The following PCDH15 variants were observed in gnomAD, a reference collection of about 807,000 sequenced individuals.
The protein encoded by PCDH15 is protocadherin related 15.
Under a neutral mutation model 178.5 loss-of-function variants are expected in PCDH15, and 129 were observed. The ratio of observed to expected loss-of-function variants is 0.72; its 90% CI spans 0.63 to 0.84. The LOEUF (loss-of-function observed/expected upper bound fraction) is 0.84. PCDH15 is among the 40% of genes least tolerant of loss of function. The pLI, the probability that PCDH15 is intolerant of heterozygous loss-of-function variation, is 0.00. For missense variants in PCDH15, 2,230 were observed against 2,099.9 expected (o/e 1.06, Z -1.21); for synonymous variants, 800 against 732.0 (o/e 1.09, Z -1.50).
At chr10:55,175,673 A>C (rs1006618979) in intron 1 of PCDH15, among the ~76,000 whole-genome samples, 1 of 151,270 alleles carries the variant, frequency 6.6e-6, no homozygotes, top group African/African-American at 2.4e-5. Flanking sequence ...CAAAAAAAAA[A>C]AAAAAGAAAA....
intron 3 of PCDH15, among the ~76,000 whole-genome samples, chr10:54,409,905 T>C (rs139829854): frequency 4.9e-4 from 75 of 152,236 alleles, no homozygotes; most frequent in African/African-American, 1.7e-3. Flanking sequence ...AATAAAACCC[T>C]CACCAGATGC....
chr10:54,124,175 GA>G (rs1204379009), intron 15 of PCDH15, among the ~76,000 whole-genome samples: 1 of 147,966 alleles, frequency 6.8e-6, no homozygotes, highest in Non-Finnish European at 1.5e-5. Flanking sequence ...GAAAAATAAA[GA>G]ATGGCAAAAT....
At chr10:54,633,051 T>C (rs774504951) in intron 2 of PCDH15, among the ~76,000 whole-genome samples, 8 of 152,132 alleles carry the variant, frequency 5.3e-5, no homozygotes, top group Non-Finnish European at 1.2e-4. Flanking sequence ...GTTTAGCAGA[T>C]TAAAGCTGAA....
chr10:54,223,755 T>C (rs1222363939), intron 9 of PCDH15, among the ~76,000 whole-genome samples: 2 of 152,008 alleles, frequency 1.3e-5, no homozygotes, highest in Middle Eastern at 3.2e-3. Context: ...GTACAATCTG[T>C]ACCACAAAAA....
At chr10:55,511,810 CT>C (rs974535393) in intron 2 of PCDH15, among the ~76,000 whole-genome samples, 1 of 151,938 alleles carries the variant, frequency 6.6e-6, no homozygotes, top group Non-Finnish European at 1.5e-5. Context: ...TTATTATTAT[CT>C]AGAGTAGACT....
At chr10:54,292,436 A>G (rs566392769) in intron 8 of PCDH15, among the ~76,000 whole-genome samples, 91 of 152,176 alleles carry the variant, frequency 6.0e-4, no homozygotes, top group African/African-American at 2.1e-3. Flanking sequence ...CTCTCTCACC[A>G]CTCCTTTTCA....
At chr10:55,186,687 A>G (rs1374865365) in intron 1 of PCDH15, among the ~76,000 whole-genome samples, 1 of 151,756 alleles carries the variant, frequency 6.6e-6, no homozygotes, top group African/African-American at 2.4e-5. Flanking sequence ...GCCATGCACA[A>G]CCATGTACAT....
At chr10:55,259,960 A>G in intron 1 of PCDH15, among the ~76,000 whole-genome samples, 1 of 151,356 alleles carries the variant, frequency 6.6e-6, no homozygotes, top group Non-Finnish European at 1.5e-5. Context: ...AGAAGAGAAA[A>G]ACAGAAAATG....
chr10:54,065,421 A>C lies in PCDH15; in HGVS notation c.2220+1336T>G, dbSNP rs12258005. Among the ~76,000 whole-genome samples the C allele has an allele frequency of 9.7e-3, 1,477 of 152,254 alleles. 26 individuals are homozygous for C. The highest frequency in any genetic ancestry group is 0.033 in the African/African-American group (1,377 of 41,536). Reference sequence around the variant, plus strand: ...ATCACTGTTATCTACACTTCTCAAAAAATATTTATACATGAATATTTTGTG... The same window carrying C: ...ATCACTGTTATCTACACTTCTCAAACAATATTTATACATGAATATTTTGTG... On this transcript the variant is annotated intron_variant, in intron 18 of 37. Transcript: ENST00000644397.
chr10:55,337,912 C>G (rs553623903), intron 2 of PCDH15, among the ~76,000 whole-genome samples: 1 of 152,198 alleles, frequency 6.6e-6, no homozygotes, highest in Admixed American at 6.5e-5. Flanking sequence ...AACTATCCAT[C>G]TGACAAAGGC....
intron 2 of PCDH15, among the ~76,000 whole-genome samples, chr10:55,060,196 G>C (rs1841396508): frequency 6.6e-6 from 1 of 151,938 alleles, no homozygotes; most frequent in South Asian, 2.1e-4. Context: ...ACATTAAATA[G>C]TCTCAGTTTA....
At chr10:54,290,701 A>C (rs2059345043) in intron 8 of PCDH15, among the ~76,000 whole-genome samples, 1 of 152,196 alleles carries the variant, frequency 6.6e-6, no homozygotes, top group African/African-American at 2.4e-5. Context: ...ATGGAGGAAG[A>C]TCTACCAAAC....
intron 2 of PCDH15, among the ~76,000 whole-genome samples, chr10:54,593,515 T>A (rs2092018302): frequency 6.6e-6 from 1 of 152,288 alleles, no homozygotes; most frequent in African/African-American, 2.4e-5. Flanking sequence ...GCTCTCTGTT[T>A]TCTTGCATTA....
At chr10:54,947,320 A>G (rs1591800488) in intron 2 of PCDH15, among the ~76,000 whole-genome samples, 1 of 152,048 alleles carries the variant, frequency 6.6e-6, no homozygotes, top group Admixed American at 6.6e-5. Context: ...GAAAATACAG[A>G]TAGTTTTAAA....
At chr10:55,025,026 T>C (rs998581370) in intron 2 of PCDH15, among the ~76,000 whole-genome samples, 2 of 152,134 alleles carry the variant, frequency 1.3e-5, no homozygotes, top group African/African-American at 2.4e-5. Flanking sequence ...CCAGTGCCCA[T>C]GGGATAAAAT....
intron 3 of PCDH15, among the ~76,000 whole-genome samples, chr10:54,865,840 G>A (rs190456558): frequency 8.7e-4 from 133 of 152,160 alleles, no homozygotes; most frequent in Non-Finnish European, 1.5e-3. Context: ...TAGCTTAAGG[G>A]GAGAAGAAAA....
At chr10:53,812,451 G>A (rs1485440926) in intron 35 of PCDH15, among the ~76,000 whole-genome samples, 2 of 151,990 alleles carry the variant, frequency 1.3e-5, no homozygotes, top group East Asian at 1.9e-4. Context: ...CTGACCTCGT[G>A]ATCAGCCCCA....
chr10:55,440,964 G>A (rs1238983765), intron 2 of PCDH15, among the ~76,000 whole-genome samples: 1 of 152,070 alleles, frequency 6.6e-6, no homozygotes, highest in East Asian at 1.9e-4. Context: ...ACAGTATAGG[G>A]CAACTGCCCC....
At chr10:55,514,987 ATTT>A (rs35469059) in intron 2 of PCDH15, among the ~76,000 whole-genome samples, 4 of 120,266 alleles carry the variant, frequency 3.3e-5, no homozygotes, top group African/African-American at 6.3e-5. Context: ...AGATAGATAG[ATTT>A]TTTTTTTTTT....
Sources: gnomAD v4.1 joint callset for allele counts (sites outside exome capture counted in the v4.1 genomes callset) on GRCh38, gnomAD v4.1.1 for gene constraint, MANE v1.5 for transcripts, NCBI Gene and HGNC (gene_info 2026-07-23, HGNC 2026-07-21) for gene names.